FAT3: variants seen among roughly 807,000 people sequenced by gnomAD.
FAT3 encodes the protein FAT atypical cadherin 3, also known as protocadherin Fat 3.
A neutral mutation model predicts 310.2 loss-of-function variants in FAT3; 95 were observed. The ratio of observed to expected loss-of-function variants is 0.31; its 90% confidence interval spans 0.26 to 0.36. FAT3 has a LOEUF of 0.36. Ranked by LOEUF, FAT3 falls within the 10% of genes least tolerant of loss-of-function variation. The pLI is 1.00. For missense variants in FAT3, 5,408 were observed against 5,715.6 expected (o/e 0.95, Z 1.74); for synonymous variants, 2,314 against 2,192.9 (o/e 1.06, Z -1.54).
Position 92,843,982 on chromosome 11 carries a change from G to A in FAT3, c.10615G>A (p.Val3539Met), listed in dbSNP as rs531488417. The change falls in exon 19 of 28, where the codon GTG (valine) becomes ATG (methionine). Residue 3539 changes from valine to methionine, a missense_variant. Coordinates refer to ENST00000525166, the MANE Select transcript of FAT3 (RefSeq NM_001367949.2). Reference protein sequence around the residue: ...PQQVSHTYIRVRVIEESTHKP... With the variant: ...PQQVSHTYIRMRVIEESTHKP... ...GCAAGTTTCTCACACTTACATCCGC[G>A]TGCGAGTCATTGAGGAAAGCACCCA... 20 of 1,613,632 alleles carry A rather than the reference G, an allele frequency of 1.2e-5. No individual in the cohort carries two copies. The highest frequency in any genetic ancestry group is 2.7e-5 in the African/African-American group (2 of 75,020).
intron 3 of FAT3, among the ~76,000 whole-genome samples, chr11:92,528,217 A>G (rs1029799696): frequency 2.0e-5 from 3 of 152,196 alleles, no homozygotes; most frequent in African/African-American, 7.2e-5. Context: ...TTTCTTTAGT[A>G]ATTCCTGTGG....
chr11:92,881,002 T>A (rs1949660384), intron 23 of FAT3, 118 bp downstream of exon 23: 1 of 1,113,268 alleles, frequency 9.0e-7, no homozygotes, highest in Admixed American at 2.2e-5. Flanking sequence ...AGGGTTAACA[T>A]CTGCACGATA....
At chr11:92,756,255 G>C (rs1427773995) in intron 4 of FAT3, among the ~76,000 whole-genome samples, 2 of 152,128 alleles carry the variant, frequency 1.3e-5, no homozygotes, top group East Asian at 3.9e-4. Flanking sequence ...CTATGACAAA[G>C]CTTAATTTAT....
intron 4 of FAT3, among the ~76,000 whole-genome samples, chr11:92,698,292 C>G (rs1191234771): frequency 6.6e-6 from 1 of 152,194 alleles, no homozygotes; most frequent in Non-Finnish European, 1.5e-5. Context: ...CACATGCACA[C>G]AAACACACCT....
intron 3 of FAT3, among the ~76,000 whole-genome samples, chr11:92,576,021 G>A (rs1055807394): frequency 3.9e-5 from 6 of 152,172 alleles, no homozygotes; most frequent in African/African-American, 1.4e-4. Context: ...TTATAAATTG[G>A]GAGTTTAAAA....
At chr11:92,551,414 T>TTGTTTTGTGTGTGTGTG (rs35238743) in intron 3 of FAT3, among the ~76,000 whole-genome samples, 25,242 of 128,676 alleles carry the variant, frequency 0.2, 2,969 homozygotes, top group East Asian at 0.34. Flanking sequence ...TTTTTTTGTT[T>TTGTTTTGTGTGTGTGTG]TGTGTGTGTG....
At chr11:92,412,142 C>T (rs1445769711) in intron 2 of FAT3, among the ~76,000 whole-genome samples, 1 of 151,914 alleles carries the variant, frequency 6.6e-6, no homozygotes, top group Non-Finnish European at 1.5e-5. Flanking sequence ...CTCGCTCTGT[C>T]GCCAGGCTGG....
chr11:92,744,730 C>G (rs1231183042), intron 4 of FAT3, among the ~76,000 whole-genome samples: 2 of 151,924 alleles, frequency 1.3e-5, no homozygotes, highest in Non-Finnish European at 2.9e-5. Context: ...TATATGAAAT[C>G]TCTCTCATTT....
At chr11:92,737,391 G>T (rs975856889) in intron 4 of FAT3, among the ~76,000 whole-genome samples, 1 of 152,062 alleles carries the variant, frequency 6.6e-6, no homozygotes, top group African/African-American at 2.4e-5. Flanking sequence ...TTATAAAGTG[G>T]TGGTGTCAGA....
At chr11:92,541,278 GAATA>G (rs1401417784) in intron 3 of FAT3, among the ~76,000 whole-genome samples, 1 of 152,148 alleles carries the variant, frequency 6.6e-6, no homozygotes, top group African/African-American at 2.4e-5. Context: ...ATGAATGAAT[GAATA>G]AATAAATGAA....
At chr11:92,484,474 G>A (rs936638037) in intron 2 of FAT3, among the ~76,000 whole-genome samples, 1 of 152,092 alleles carries the variant, frequency 6.6e-6, no homozygotes, top group African/African-American at 2.4e-5. Context: ...CAGGTACAGC[G>A]TGCAACTCAA....
intron 5 of FAT3, among the ~76,000 whole-genome samples, chr11:92,763,908 A>G (rs954741254): frequency 1.3e-5 from 2 of 152,182 alleles, no homozygotes; most frequent in African/African-American, 2.4e-5. Context: ...GGGCAAAGCA[A>G]TCATCCATGA....
intron 2 of FAT3, among the ~76,000 whole-genome samples, chr11:92,440,696 G>A (rs1951047050): frequency 6.6e-6 from 1 of 152,200 alleles, no homozygotes; most frequent in Admixed American, 6.5e-5. Context: ...GTTTTGGGAG[G>A]CGGTGAAAGG....
rs747713799 is a variant in FAT3, at chr11:92,844,416, C to T, written c.11049C>T (p.Asp3683=). ...LRNAVLTQKQ[D]SLRIISIQPV... ...ATGCAGTCCTCACCCAGAAGCAGGA[C>T]AGCCTGCGCATCATCAGCATCCAGC... is the stretch of plus-strand genomic sequence containing the variant. Residue 3683 remains aspartate, a synonymous_variant, in exon 19 of 28, where the codon GAC becomes GAT. Transcript: ENST00000525166. The T allele has an allele frequency of 6.2e-7, 1 of 1,613,980 alleles. No individual in the cohort carries two copies.
chr11:92,584,765 G>T (rs927374059), intron 3 of FAT3, among the ~76,000 whole-genome samples: 1 of 151,944 alleles, frequency 6.6e-6, no homozygotes, highest in Admixed American at 6.6e-5. Flanking sequence ...TTATAAATTA[G>T]AATATGTCTT....
intron 2 of FAT3, among the ~76,000 whole-genome samples, chr11:92,479,167 AT>A (rs753439156): frequency 0.024 from 3,029 of 128,106 alleles, 37 homozygotes; most frequent in Middle Eastern, 0.045. Flanking sequence ...ACGGCCAGCT[AT>A]TTTTTTTTTT....
chr11:92,834,917 T>C lies in FAT3; in HGVS notation c.9919T>C (p.Phe3307Leu), dbSNP rs746217511. 1 of 1,612,818 alleles carries C rather than the reference T, an allele frequency of 6.2e-7. No homozygotes were observed. Among genetic ancestry groups the C allele is most frequent in the Admixed American group, 1.7e-5 (1 of 59,900 alleles). The change falls in exon 15 of 28, where the codon TTT becomes CTT. Residue 3307 changes from phenylalanine to leucine, a missense_variant. Around this residue, in one of 5 missense-constraint regions of FAT3, gnomAD observed 4,588 missense variants for 4,809.8 expected, o/e 0.95. Coordinates refer to ENST00000525166, the MANE Select transcript of FAT3 (RefSeq NM_001367949.2). Reference protein sequence around the residue: ...EVLDYELCKRFYLVVEAKDGG... With the variant: ...EVLDYELCKRLYLVVEAKDGG... ...CCTGGACTATGAATTATGCAAAAGG[T>C]TTTACCTGGTAGTGGAAGCCAAAGA...
chr11:92,231,166 T>C (rs1440042388), intron 1 of FAT3, among the ~76,000 whole-genome samples: 1 of 152,246 alleles, frequency 6.6e-6, no homozygotes, highest in Non-Finnish European at 1.5e-5. Flanking sequence ...GGAGCCTGCA[T>C]GCAGGTGCAC....
chr11:92,276,565 G>T (rs932508128), intron 1 of FAT3, among the ~76,000 whole-genome samples: 1 of 152,104 alleles, frequency 6.6e-6, no homozygotes, highest in Non-Finnish European at 1.5e-5. Flanking sequence ...GGTTTAAAAG[G>T]TGTGTTGTGC....
Sources: allele counts gnomAD v4.1 joint callset (sites outside exome capture counted in the v4.1 genomes callset), GRCh38; gene constraint gnomAD v4.1.1; regional missense constraint gnomAD v4.1.1; transcripts MANE v1.5; gene names NCBI Gene and HGNC (gene_info 2026-07-23, HGNC 2026-07-21).